Variants in RBFOX1 observed in about 807,000 individuals in gnomAD.
The protein encoded by RBFOX1 is RNA binding fox-1 homolog 1, also known as RNA binding protein fox-1 homolog 1.
In RBFOX1, 8 loss-of-function variants were observed where a neutral mutation model predicts 57.7. The observed-to-expected ratio is 0.14, with a 90% CI of 0.08 to 0.25. The LOEUF is 0.25. RBFOX1 is among the 10% of genes least tolerant of loss of function. The pLI is 1.00. For synonymous variants in RBFOX1, 326 were observed against 222.4 expected (o/e 1.47, Z -4.15); for missense variants, 611 against 548.5 (o/e 1.11, Z -1.14).
chr16:5,592,802 C>G (rs1163413083), intron 2 of RBFOX1, among the ~76,000 whole-genome samples: 2 of 152,194 alleles, frequency 1.3e-5, no homozygotes, highest in African/African-American at 2.4e-5. Flanking sequence ...TGCTTGCTTT[C>G]TCTTGGCGTC....
chr16:6,023,249 T>G (rs1246248019), intron 1 of RBFOX1, among the ~76,000 whole-genome samples: 1 of 138,924 alleles, frequency 7.2e-6, no homozygotes, highest in Admixed American at 7.5e-5. Flanking sequence ...CCTATTTTTC[T>G]TCTCATTATA....
At chr16:5,823,305 A>G (rs1391013168) in intron 3 of RBFOX1, among the ~76,000 whole-genome samples, 1 of 152,210 alleles carries the variant, frequency 6.6e-6, no homozygotes, top group Non-Finnish European at 1.5e-5. Flanking sequence ...GTATGTGAAC[A>G]GATAAATAAC....
At chr16:6,721,721 T>C (rs2066028813) in intron 3 of RBFOX1, 1 of 152,158 alleles carries the variant, frequency 6.6e-6, no homozygotes. Flanking sequence ...ATTTAATTCA[T>C]TAATGTATTT....
At chr16:5,966,621 T>G (rs2059848889) in intron 4 of RBFOX1, among the ~76,000 whole-genome samples, 1 of 152,120 alleles carries the variant, frequency 6.6e-6, no homozygotes, top group Admixed American at 6.6e-5. Flanking sequence ...AGCCAGCTAA[T>G]TTTTGTATTT....
intron 1 of RBFOX1, among the ~76,000 whole-genome samples, chr16:6,226,123 G>A (rs906871856): frequency 6.6e-6 from 1 of 151,376 alleles, no homozygotes; most frequent in Non-Finnish European, 1.5e-5. Context: ...ACTTTGGGAG[G>A]CCGAGGTGGG....
chr16:6,572,627 C>G (rs865925097), intron 2 of RBFOX1, among the ~76,000 whole-genome samples: 95 of 151,858 alleles, frequency 6.3e-4, no homozygotes, highest in African/African-American at 2.1e-3. Context: ...GAGTCTCACT[C>G]TGTCACCCAG....
intron 3 of RBFOX1, among the ~76,000 whole-genome samples, chr16:5,735,737 C>T (rs1454565354): frequency 2.0e-5 from 3 of 151,896 alleles, no homozygotes; most frequent in Non-Finnish European, 2.9e-5. Flanking sequence ...TTTAGCCGGG[C>T]GTGGTGGTGG....
chr16:6,743,972 T>C (rs2072961171), intron 3 of RBFOX1, among the ~76,000 whole-genome samples: 2 of 151,852 alleles, frequency 1.3e-5, no homozygotes, highest in Non-Finnish European at 2.9e-5. Context: ...CAATGTTATC[T>C]TTTCAATATA....
chr16:5,471,653 C>T (rs566113320), intron 2 of RBFOX1, among the ~76,000 whole-genome samples: 176 of 152,282 alleles, frequency 1.2e-3, no homozygotes, highest in African/African-American at 4.1e-3. Context: ...GCAGAACATC[C>T]CCCAGGTCCT....
In RBFOX1 at chr16:7,285,605, G is replaced by T. The variant is rs541286890; in HGVS notation, c.28-232542G>T. ...AATTTTCTCTCTATTTATAAGCTTG[G>T]ACATTTCAAGAAATGGACCCATATA... On this transcript the variant is annotated intron_variant, in intron 4 of 15. Transcript: ENST00000550418. Among the ~76,000 whole-genome samples the T allele has an allele frequency of 2.0e-5, 3 of 151,774 alleles. No homozygotes were observed. In the South Asian group the frequency reaches 6.3e-4, roughly 32 times the overall value.
At chr16:5,546,666 C>T (rs1252888439) in intron 2 of RBFOX1, among the ~76,000 whole-genome samples, 2 of 152,142 alleles carry the variant, frequency 1.3e-5, no homozygotes, top group East Asian at 3.9e-4. Flanking sequence ...CTAAAGATAC[C>T]ATAGGAAAAT....
At chr16:6,272,895 A>G (rs563317290) in intron 1 of RBFOX1, among the ~76,000 whole-genome samples, 3 of 152,284 alleles carry the variant, frequency 2.0e-5, no homozygotes, top group African/African-American at 7.2e-5. Flanking sequence ...AAAATTTTAC[A>G]TTTTATACAA....
chr16:7,367,773 T>G (rs2147101300), intron 4 of RBFOX1, among the ~76,000 whole-genome samples: 1 of 152,232 alleles, frequency 6.6e-6, no homozygotes, highest in Non-Finnish European at 1.5e-5. Context: ...CGTTGTCAGA[T>G]TTTCTGATAT....
chr16:5,933,824 C>T (rs984620941), intron 4 of RBFOX1, among the ~76,000 whole-genome samples: 4 of 150,206 alleles, frequency 2.7e-5, no homozygotes, highest in Non-Finnish European at 5.9e-5. Context: ...CTTGTGGGTA[C>T]GTGTGCAGGT....
rs370115661 is a variant in RBFOX1, at chr16:6,243,144, C to CTGTG, written c.-126-73831_-126-73828dup. The stretch of plus-strand genomic sequence containing the variant: ...GATAAATTGATATTTATACGTGTGT[C>CTGTG]TGTGTGTGTGTGTGTGTGTGTGTTT... On this transcript the variant is annotated intron_variant, in intron 1 of 15. Transcript: ENST00000550418. Among the ~76,000 whole-genome samples, 105 of 147,410 alleles carry CTGTG rather than the reference C, an allele frequency of 7.1e-4. 2 individuals carry two copies. The East Asian group carries it at 0.017, about 24-fold the overall frequency.
At chr16:6,459,501 A>G (rs532760521) in intron 2 of RBFOX1, among the ~76,000 whole-genome samples, 1 of 152,234 alleles carries the variant, frequency 6.6e-6, no homozygotes, top group African/African-American at 2.4e-5. Context: ...CACCTAAGAA[A>G]GAAAATCGCT....
chr16:7,301,060 GCT>G (rs1416740403), intron 4 of RBFOX1, among the ~76,000 whole-genome samples: 1 of 152,138 alleles, frequency 6.6e-6, no homozygotes. Context: ...CCTTGATATG[GCT>G]CTTTCTCAGT....
intron 1 of RBFOX1, among the ~76,000 whole-genome samples, chr16:6,138,118 C>T (rs1173910677): frequency 6.6e-6 from 1 of 152,188 alleles, no homozygotes; most frequent in Non-Finnish European, 1.5e-5. Flanking sequence ...AACAAACCTG[C>T]ATTTGAATTC....
chr16:5,707,997 G>A (rs1343028430), intron 3 of RBFOX1, among the ~76,000 whole-genome samples: 1 of 152,150 alleles, frequency 6.6e-6, no homozygotes, highest in African/African-American at 2.4e-5. Flanking sequence ...ATTTGGCAGT[G>A]TATTCAAAGG....
Sources: allele counts gnomAD v4.1 joint callset (sites outside exome capture counted in the v4.1 genomes callset), GRCh38; gene constraint gnomAD v4.1.1; transcripts MANE v1.5; gene names NCBI Gene and HGNC (gene_info 2026-07-23, HGNC 2026-07-21).